PML: variants seen among roughly 807,000 people sequenced by gnomAD.
The protein encoded by PML is protein PML.
PML carries 28 observed loss-of-function variants against 65.2 expected under a neutral mutation model. The ratio of observed to expected loss-of-function variants is 0.43; its 90% CI spans 0.32 to 0.59. The LOEUF is 0.59. Among genes scored for constraint, PML ranks in the 20% least tolerant of loss-of-function variants. The pLI is 0.08. For missense variants in PML, 1,021 were observed against 1,203.4 expected (o/e 0.85, Z 2.24); for synonymous variants, 500 against 508.8 (o/e 0.98, Z 0.23).
chr15:74,009,204 G>A (rs1595887214), intron 2 of PML, among the ~76,000 whole-genome samples: 2 of 152,198 alleles, frequency 1.3e-5, no homozygotes, highest in East Asian at 3.8e-4. Context: ...AAAATTTGCT[G>A]GATGGAGTTG....
chr15:74,031,488 T>C (rs767667662), intron 4 of PML, among the ~76,000 whole-genome samples: 1 of 152,220 alleles, frequency 6.6e-6, no homozygotes, highest in Non-Finnish European at 1.5e-5. Context: ...ATGTTGTACA[T>C]CTCAGTCCTC....
At chr15:74,036,040 G>A (rs765753935) in intron 7 of PML, 23 of 1,614,036 alleles carry the variant, frequency 1.4e-5, no homozygotes, top group Non-Finnish European at 1.8e-5. Flanking sequence ...TACAGGCCCT[G>A]CACAGAGTAG....
Position 74,035,502 on chromosome 15 carries a change from G to A in PML, c.1710+972G>A, listed in dbSNP as rs1306914562. ...CCGCTTGCACCCTCAATTGCATCGGGCCCCTATTCGGACTTGGTCTCCCCA... is the reference window on the plus strand; with the variant it reads ...CCGCTTGCACCCTCAATTGCATCGGACCCCTATTCGGACTTGGTCTCCCCA... On this transcript the variant is annotated intron_variant, in intron 7 of 8. Coordinates refer to ENST00000268058, the MANE Select transcript of PML (RefSeq NM_033238.3). This position sits in a 1 kb window ranked among gnomAD's most constrained non-coding sequence, Gnocchi z 4.1. 3.7e-6 allele frequency: 6 copies of A among 1,611,758 alleles called. No individual in the cohort carries two copies. The African/African-American group carries it at 6.7e-5, about 18-fold the overall frequency.
At chr15:74,016,468 TC>T (rs2070579892) in intron 2 of PML, among the ~76,000 whole-genome samples, 1 of 152,060 alleles carries the variant, frequency 6.6e-6, no homozygotes, top group Non-Finnish European at 1.5e-5. Context: ...AAACAATACA[TC>T]CCAGAGACGA....
rs530636424 is a variant in PML at position 74,029,175 on chromosome 15, G to GTC, written c.1255-3387_1255-3386dup. ...CAGCCTCACCAACATTTGTTATATT[G>GTC]TCTCTCTCTCTTTTTTTCTTAAATA... On this transcript the variant is annotated intron_variant, in intron 4 of 8. Coordinates refer to ENST00000268058, the MANE Select transcript of PML (RefSeq NM_033238.3). Among the ~76,000 whole-genome samples, 266 of 151,808 alleles carry GTC rather than the reference G, an allele frequency of 1.8e-3. 2 individuals carry two copies. The highest frequency in any genetic ancestry group is 5.7e-3 in the African/African-American group (234 of 41,360).
Position 74,044,942 on chromosome 15 carries a change from G to A in PML, c.2583G>A (p.Arg861=). Residue 861 remains arginine (R), a synonymous_variant, in exon 9 of 9, where the codon CGG becomes CGA. Coordinates refer to ENST00000268058, the MANE Select transcript of PML (RefSeq NM_033238.3). ...TGTTGGAGGGTCCGGCGCTGGCACG[G>A]GCAGAAGGAGTCTCCACCCCACTTG... The part of the protein sequence containing the change: ...EGLLEGPALA[R]AEGVSTPLAG... 2 of 1,612,636 alleles carry A rather than the reference G, an allele frequency of 1.2e-6. No individual in the cohort carries two copies. The highest frequency in any genetic ancestry group is 1.7e-6 in the Non-Finnish European group (2 of 1,179,776).
Position 74,022,866 on chromosome 15 carries a change from C to G in PML, c.641C>G (p.Ser214Trp). The change falls in exon 3 of 9, where the codon TCG becomes TGG. Residue 214 changes from serine (S) to tryptophan (W), a missense_variant. Ser to Trp is a radical substitution (Grantham distance 177). Coordinates refer to ENST00000268058, the MANE Select transcript of PML (RefSeq NM_033238.3). ...CRGCSKPLCC[S>W]CALLDSSHSE... ...GGATGTTCCAAGCCGCTGTGCTGCT[C>G]GTGCGCGCTCCTTGACAGCAGCCAC... The G allele has an allele frequency of 6.2e-7, 1 of 1,613,820 alleles. No individual in the cohort carries two copies. The highest frequency in any genetic ancestry group is 8.5e-7 in the Non-Finnish European group (1 of 1,179,964).
Position 74,035,586 on chromosome 15 carries a change from C to A in PML, c.1710+1056C>A. The A allele has an allele frequency of 6.2e-7, 1 of 1,612,308 alleles. No homozygotes were observed. Among genetic ancestry groups the A allele is most frequent in the Non-Finnish European group, 8.5e-7 (1 of 1,179,902 alleles). ...GCCCCTCAACCATCCTGCCAATGCC[C>A]AGGAACATCCTGCCCAGCTGCAAAG... is the stretch of plus-strand genomic sequence containing the variant. On this transcript the variant is annotated intron_variant, in intron 7 of 8. Transcript: ENST00000268058. This position sits in a 1 kb window ranked among gnomAD's most constrained non-coding sequence, Gnocchi z 4.1.
intron 2 of PML, among the ~76,000 whole-genome samples, chr15:74,007,610 T>A (rs1332692939): frequency 6.6e-6 from 1 of 152,250 alleles, no homozygotes; most frequent in African/African-American, 2.4e-5. Context: ...TGGGCTGATT[T>A]AGAGCTCACA....
At chr15:74,010,161 G>C (rs541424934) in intron 2 of PML, among the ~76,000 whole-genome samples, 40 of 139,812 alleles carry the variant, frequency 2.9e-4, no homozygotes, top group South Asian at 7.0e-4. Context: ...TGGGACTACA[G>C]ACATGCACCA....
rs529675738 is a variant in PML at position 74,046,885 on chromosome 15, G to T, written c.*1877G>T. On this transcript the variant is annotated 3_prime_UTR_variant, in exon 9 of 9. Coordinates refer to ENST00000268058, the MANE Select transcript of PML (RefSeq NM_033238.3). The stretch of plus-strand genomic sequence containing the variant: ...GCATAGGCTTGTGGCCACTTGCCCA[G>T]CACAACTGTGTTTTGTGGGGCGTCT... 27 of 230,608 alleles carry T rather than the reference G, an allele frequency of 1.2e-4. No homozygotes were observed. Among genetic ancestry groups the T allele is most frequent in the Admixed American group, 4.0e-4 (7 of 17,696 alleles). 14.3% of individuals were successfully genotyped at this position (230,608 alleles called of 1,614,324 possible).
Position 74,001,655 on chromosome 15 carries a change from T to C in PML, c.602+3179T>C, listed in dbSNP as rs2069768578. ...AATGCCCTGCCTAATAATAACTCTT[T>C]TAAGGCATAAGTTCTCTGTATATGG... On this transcript the variant is annotated intron_variant, in intron 2 of 8. Coordinates refer to ENST00000268058, the MANE Select transcript of PML (RefSeq NM_033238.3). Among the ~76,000 whole-genome samples the C allele has an allele frequency of 2.6e-5, 4 of 152,344 alleles. No individual in the cohort carries two copies. In the East Asian group the frequency reaches 7.7e-4, roughly 29 times the overall value.
Position 74,031,236 on chromosome 15 carries a change from G to A in PML, c.1255-1336G>A, listed in dbSNP as rs571261255. ...TTGCATGTAAATAGGATCATACAAT[G>A]TGTATTTTGTGTCTGGTTTCTTTTT... On this transcript the variant is annotated intron_variant, in intron 4 of 8. Coordinates refer to ENST00000268058, the MANE Select transcript of PML (RefSeq NM_033238.3). 1.1e-5 allele frequency: 5 copies of A among 444,404 alleles called. No individual in the cohort carries two copies. In the East Asian group the frequency reaches 3.5e-4, roughly 31 times the overall value. The allele number at this position is 444,404 out of a possible 1,614,324, so 27.5% of individuals were successfully genotyped here. A position where few individuals can be genotyped will look rare whatever the true frequency, so the allele number is the denominator to read the frequency against.
chr15:74,017,739 G>A (rs529417809), intron 2 of PML, among the ~76,000 whole-genome samples: 1 of 152,164 alleles, frequency 6.6e-6, no homozygotes, highest in Non-Finnish European at 1.5e-5. Context: ...GGCCTATCTG[G>A]TCTGTTCTAC....
chr15:74,006,032 G>C (rs543550810), intron 2 of PML, among the ~76,000 whole-genome samples: 66 of 152,222 alleles, frequency 4.3e-4, no homozygotes, highest in African/African-American at 1.6e-3. Flanking sequence ...AAAACCTTTT[G>C]TCTGTACCCA....
chr15:74,043,309 T>C lies in PML; in HGVS notation c.1861+170T>C. 1.3e-6 allele frequency: 2 copies of C among 1,483,876 alleles called. No homozygotes were observed. The highest frequency in any genetic ancestry group is 1.8e-6 in the Non-Finnish European group (2 of 1,124,246). 91.9% of individuals were successfully genotyped at this position (1,483,876 alleles called of 1,614,324 possible). A position where few individuals can be genotyped will look rare whatever the true frequency, so the allele number is the denominator to read the frequency against. ...CTCACCTGGGCTCCTGGCGTGTCAT[T>C]TGCTGGCTTGAATAAAGATGTCCGC... On this transcript the variant is annotated intron_variant, in intron 8 of 8. Transcript: ENST00000268058. The surrounding 1 kb of genome is among the most constrained non-coding windows in gnomAD (Gnocchi z 4.3).
At chr15:74,032,531 G>A (rs1192734664) in intron 4 of PML, 41 bp from the exon 5 acceptor site, 6 of 1,613,132 alleles carry the variant, frequency 3.7e-6, no homozygotes, top group African/African-American at 1.3e-5. Context: ...CCCTGGGGCT[G>A]CTGCCTAGTC....
Position 74,037,287 on chromosome 15 carries a change from T to G in PML, c.1710+2757T>G, listed in dbSNP as rs190369012. On this transcript the variant is annotated intron_variant, in intron 7 of 8. Coordinates refer to ENST00000268058, the MANE Select transcript of PML (RefSeq NM_033238.3). The surrounding 1 kb of genome is among the most constrained non-coding windows in gnomAD (Gnocchi z 4.2). ...TCCAATGGCATAGGGACAGTTGACA[T>G]CTTGCTATTTACAGATCCCCATCGC... 8.1e-6 allele frequency: 8 copies of G among 985,204 alleles called. No homozygotes were observed. The highest frequency in any genetic ancestry group is 9.6e-6 in the Non-Finnish European group (8 of 829,888). The allele number at this position is 985,204 out of a possible 1,614,324, so 61.0% of individuals were successfully genotyped here.
At position 74,044,618 on chromosome 15, in the gene PML, G is replaced by C. The variant is rs1444822118; in HGVS notation, c.2259G>C (p.Leu753=). Residue 753 remains leucine, a synonymous_variant, in exon 9 of 9, where the codon CTG becomes CTC. Coordinates refer to ENST00000268058, the MANE Select transcript of PML (RefSeq NM_033238.3). ...CTGCCGTGCTGGCCATGCGTGACCT[G>C]TGCCGCCTCCTCGAGGTCTCCCCGG... ...AMAAVLAMRD[L]CRLLEVSPGP... 4 of 1,607,130 alleles carry C rather than the reference G, an allele frequency of 2.5e-6. No homozygotes were observed. Among genetic ancestry groups the C allele is most frequent in the Non-Finnish European group, 3.4e-6 (4 of 1,179,910 alleles).
Sources: allele counts gnomAD v4.1 joint callset (sites outside exome capture counted in the v4.1 genomes callset), GRCh38; gene constraint gnomAD v4.1.1; non-coding constraint Gnocchi (gnomAD v3.1); transcripts MANE v1.5; gene names NCBI Gene and HGNC (gene_info 2026-07-23, HGNC 2026-07-21).